SFMBT2: variants seen among roughly 807,000 people sequenced by gnomAD.
The protein encoded by SFMBT2 is Scm like with four mbt domains 2.
A neutral mutation model predicts 110.1 loss-of-function variants in SFMBT2; 38 were observed. That is an observed-to-expected ratio of 0.35 (90% confidence interval 0.27 to 0.45). The LOEUF is 0.45. Ranked by LOEUF, SFMBT2 falls within the 20% of genes least tolerant of loss-of-function variation. The pLI, the probability that SFMBT2 is intolerant of heterozygous loss-of-function variation, is 1.00. For synonymous variants in SFMBT2, 425 were observed against 425.4 expected (o/e 1.00, Z 0.01); for missense variants, 1,011 against 1,094.9 (o/e 0.92, Z 1.08).
intron 4 of SFMBT2, among the ~76,000 whole-genome samples, chr10:7,288,758 C>T (rs78261514): frequency 0.011 from 1,609 of 152,098 alleles, 28 homozygotes; most frequent in African/African-American, 0.037. Context: ...CGGCCAGGTG[C>T]GGTGGCTCAC....
At chr10:7,242,363 A>G (rs1374879068) in intron 9 of SFMBT2, among the ~76,000 whole-genome samples, 2 of 152,306 alleles carry the variant, frequency 1.3e-5, no homozygotes, top group East Asian at 3.9e-4. Context: ...CACCGCTACC[A>G]GGGGACACAG....
At chr10:7,299,532 G>T (rs930148235) in intron 4 of SFMBT2, among the ~76,000 whole-genome samples, 1 of 152,040 alleles carries the variant, frequency 6.6e-6, no homozygotes, top group African/African-American at 2.4e-5. Context: ...ACCATAATGA[G>T]ATACCATCTC....
Position 7,163,500 on chromosome 10 carries a change from A to T in SFMBT2, c.*270T>A. The T allele has an allele frequency of 2.6e-6, 1 of 382,088 alleles. No individual in the cohort carries two copies. Among genetic ancestry groups the T allele is most frequent in the Non-Finnish European group, 4.7e-6 (1 of 210,906 alleles). 23.7% of individuals were successfully genotyped at this position (382,088 alleles called of 1,614,324 possible). A position where few individuals can be genotyped will look rare whatever the true frequency, so the allele number is the denominator to read the frequency against. On this transcript the variant is annotated 3_prime_UTR_variant, in exon 21 of 21. Transcript: ENST00000397167. This position sits in a 1 kb window ranked among gnomAD's most constrained non-coding sequence, Gnocchi z 4.8. ...CCTGATTTGGGGCAGGAGAAAGGCA[A>T]AACGTGGGTGAGCCAAGAAGCAGGC...
intron 16 of SFMBT2, among the ~76,000 whole-genome samples, chr10:7,188,197 G>A (rs530740603): frequency 1.8e-4 from 27 of 152,246 alleles, no homozygotes; most frequent in Admixed American, 5.9e-4. Context: ...TTTTATCTTT[G>A]AGAACTGTCA....
rs769753122 is a variant in SFMBT2, at chr10:7,200,386, C to G, written c.1558+28G>C. On this transcript the variant is annotated intron_variant, in intron 14 of 20. Transcript: ENST00000397167. ...CTCCCGGCTGCACGGTGGGAAGGCA[C>G]AGAGACCCCCTAAATGGGACTGATT... 1.8e-5 allele frequency: 27 copies of G among 1,540,280 alleles called. 1 individual carries two copies. The South Asian group carries it at 2.9e-4, about 16-fold the overall frequency.
chr10:7,250,417 T>C (rs1273557629), intron 7 of SFMBT2, among the ~76,000 whole-genome samples: 2 of 26,488 alleles, frequency 7.6e-5, no homozygotes, highest in African/African-American at 2.3e-4. Context: ...AAGAACATAC[T>C]TGCATTCTTT....
chr10:7,165,223 A>C (rs1837666560), intron 20 of SFMBT2, among the ~76,000 whole-genome samples: 1 of 152,226 alleles, frequency 6.6e-6, no homozygotes. Context: ...TGCCACTTGC[A>C]GAAGAATTAT....
intron 1 of SFMBT2, among the ~76,000 whole-genome samples, chr10:7,410,650 G>T (rs1223045007): frequency 6.6e-6 from 1 of 151,994 alleles, no homozygotes. Flanking sequence ...TTCTTCTCCT[G>T]CCCTTCTCTT....
intron 10 of SFMBT2, 28 bp from the exon 11 acceptor site, chr10:7,220,565 G>C: frequency 1.2e-6 from 2 of 1,613,266 alleles, no homozygotes; most frequent in African/African-American, 1.3e-5. Context: ...CCAACACTGA[G>C]CCAGTGCTGA....
At chr10:7,210,047 A>G (rs1248664548) in intron 11 of SFMBT2, among the ~76,000 whole-genome samples, 1 of 152,384 alleles carries the variant, frequency 6.6e-6, no homozygotes, top group Non-Finnish European at 1.5e-5. Flanking sequence ...TTCCGTACTC[A>G]CAATCTAAAT....
intron 15 of SFMBT2, among the ~76,000 whole-genome samples, chr10:7,194,662 A>G (rs1461673275): frequency 3.9e-5 from 6 of 152,244 alleles, no homozygotes; most frequent in African/African-American, 1.2e-4. Flanking sequence ...CGTAAATATT[A>G]GCTTGGTGGC....
At chr10:7,284,725 T>C (rs1842040085) in intron 5 of SFMBT2, 1 of 230,402 alleles carries the variant, frequency 4.3e-6, no homozygotes, top group Admixed American at 6.5e-5. Flanking sequence ...TAGACTACTA[T>C]GTAAAATTAT....
At chr10:7,225,395 T>C (rs1024040578) in intron 10 of SFMBT2, among the ~76,000 whole-genome samples, 1 of 152,184 alleles carries the variant, frequency 6.6e-6, no homozygotes, top group African/African-American at 2.4e-5. Flanking sequence ...AGGAGATGTG[T>C]GATTAAAAAA....
At chr10:7,296,654 G>A (rs906428122) in intron 4 of SFMBT2, among the ~76,000 whole-genome samples, 11 of 152,232 alleles carry the variant, frequency 7.2e-5, no homozygotes, top group African/African-American at 2.4e-4. Context: ...TATTTAGGTT[G>A]CTGTCTGTGA....
At chr10:7,185,917 T>C (rs919526089) in intron 16 of SFMBT2, among the ~76,000 whole-genome samples, 5 of 152,096 alleles carry the variant, frequency 3.3e-5, no homozygotes, top group Non-Finnish European at 7.4e-5. Flanking sequence ...TTTAAATTCA[T>C]TGGCAAGAAA....
chr10:7,184,559 A>C lies in SFMBT2; in HGVS notation c.1808+4065T>G, dbSNP rs1472369165. ...ATGAAAATGGACTAATACGGTAGTT[A>C]AAAGTTGAGAAGAATCTAAATGGAT... is the stretch of plus-strand genomic sequence containing the variant. On this transcript the variant is annotated intron_variant, in intron 16 of 20. Coordinates refer to ENST00000397167, the MANE Select transcript of SFMBT2 (RefSeq NM_001387889.1). 2.6e-5 allele frequency among the ~76,000 whole-genome samples: 4 copies of C among 152,288 alleles called. No homozygotes were observed. The East Asian group carries it at 5.8e-4, about 22-fold the overall frequency.
intron 1 of SFMBT2, among the ~76,000 whole-genome samples, chr10:7,393,862 ACTATAAGG>A (rs555019715): frequency 6.6e-6 from 1 of 152,246 alleles, no homozygotes. Context: ...TGGTCCTGAG[ACTATAAGG>A]CTGCTCTGCC....
chr10:7,393,009 AT>A (rs1564472984), intron 1 of SFMBT2, among the ~76,000 whole-genome samples: 5,170 of 87,182 alleles, frequency 0.059, 374 homozygotes, highest in African/African-American at 0.18. Flanking sequence ...ATATATATAT[AT>A]ATATATATAT....
intron 4 of SFMBT2, among the ~76,000 whole-genome samples, chr10:7,345,660 A>G (rs1844087613): frequency 6.6e-6 from 1 of 152,226 alleles, no homozygotes; most frequent in South Asian, 2.1e-4. Context: ...CCCAGCCCAA[A>G]TATCTTTTTT....
Sources: allele counts gnomAD v4.1 joint callset (sites outside exome capture counted in the v4.1 genomes callset), GRCh38; gene constraint gnomAD v4.1.1; non-coding constraint Gnocchi (gnomAD v3.1); transcripts MANE v1.5; gene names NCBI Gene and HGNC (gene_info 2026-07-23, HGNC 2026-07-21).